The following EFCAB13 variants were observed in gnomAD, a reference collection of about 807,000 sequenced individuals.
The protein encoded by EFCAB13 is EF-hand calcium binding domain 13, also known as EF-hand calcium-binding domain-containing protein 13.
Under a neutral mutation model 110.2 loss-of-function variants are expected in EFCAB13, and 91 were observed. The ratio of observed to expected loss-of-function variants is 0.83; its 90% CI spans 0.70 to 0.98. The LOEUF (loss-of-function observed/expected upper bound fraction) is 0.98. Among genes scored for constraint, EFCAB13 ranks in the 50% least tolerant of loss-of-function variants. The pLI is 0.00. For synonymous variants in EFCAB13, 323 were observed against 369.9 expected (o/e 0.87, Z 1.45); for missense variants, 968 against 1,119.4 (o/e 0.86, Z 1.93).
At chr17:47,351,479 G>C (rs567822773) in intron 9 of EFCAB13, among the ~76,000 whole-genome samples, 1 of 152,226 alleles carries the variant, frequency 6.6e-6, no homozygotes, top group Non-Finnish European at 1.5e-5. Context: ...CCTAGTAGTG[G>C]AATTGTTGGA....
At chr17:47,339,450 C>T (rs1370583628) in intron 5 of EFCAB13, among the ~76,000 whole-genome samples, 1 of 152,032 alleles carries the variant, frequency 6.6e-6, no homozygotes, top group Admixed American at 6.6e-5. Flanking sequence ...AAACCTAGAT[C>T]CCTTGCATGC....
chr17:47,417,616 G>A (rs182577092), intron 23 of EFCAB13, among the ~76,000 whole-genome samples: 15 of 152,258 alleles, frequency 9.9e-5, no homozygotes, highest in African/African-American at 2.6e-4. Flanking sequence ...AATTCCTCTG[G>A]TGTGGTGTAT....
intron 11 of EFCAB13, among the ~76,000 whole-genome samples, chr17:47,374,103 C>T (rs1028586042): frequency 6.6e-6 from 1 of 152,098 alleles, no homozygotes; most frequent in Non-Finnish European, 1.5e-5. Flanking sequence ...TCTCCCCTTT[C>T]CTCATAGTTC....
At chr17:47,390,325 T>TACACACACACAC (rs111830433) in intron 14 of EFCAB13, among the ~76,000 whole-genome samples, 494 of 150,204 alleles carry the variant, frequency 3.3e-3, no homozygotes, top group Admixed American at 8.4e-3. Context: ...GTTTTTTTCA[T>TACACACACACAC]ACACACACAC....
Position 47,403,989 on chromosome 17 carries a change from T to C in EFCAB13, c.2129T>C (p.Val710Ala). Residue 710 changes from valine (V) to alanine (A), a missense_variant, in exon 19 of 25, where the codon GTA (valine) becomes GCA (alanine). Physicochemically the swap from Val to Ala is moderately conservative, Grantham distance 64. Coordinates refer to ENST00000331493, the MANE Select transcript of EFCAB13 (RefSeq NM_152347.5). ...GGGATTAAGTCACCTAAAGAAGAGG[T>C]AGAGAAAATTCTTCAATCAGATTTT... ...NVGIKSPKEE[V>A]EKILQSDFVS... 1 of 1,599,238 alleles carries C rather than the reference T, an allele frequency of 6.3e-7. No homozygotes were observed. The highest frequency in any genetic ancestry group is 8.5e-7 in the Non-Finnish European group (1 of 1,174,614).
intron 22 of EFCAB13, among the ~76,000 whole-genome samples, chr17:47,414,054 T>C (rs990751887): frequency 6.6e-6 from 1 of 152,198 alleles, no homozygotes; most frequent in Non-Finnish European, 1.5e-5. Context: ...TTCCTTCATA[T>C]GACTCAGTCA....
intron 17 of EFCAB13, among the ~76,000 whole-genome samples, chr17:47,401,676 G>A (rs1036040395): frequency 1.7e-4 from 21 of 121,734 alleles, no homozygotes; most frequent in African/African-American, 6.4e-4. Flanking sequence ...ATGGCGTCTC[G>A]CTTTGTCGCC....
intron 10 of EFCAB13, among the ~76,000 whole-genome samples, chr17:47,363,759 G>A (rs1326300735): frequency 6.6e-6 from 1 of 152,144 alleles, no homozygotes; most frequent in Non-Finnish European, 1.5e-5. Context: ...TTTTGAGTGG[G>A]CTTCCACTAG....
At chr17:47,342,383 T>C (rs2065390798) in intron 6 of EFCAB13, among the ~76,000 whole-genome samples, 1 of 152,220 alleles carries the variant, frequency 6.6e-6, no homozygotes, top group Non-Finnish European at 1.5e-5. Flanking sequence ...CATCTTCCCA[T>C]GAGTCTTCAC....
At chr17:47,338,806 G>A (rs2065366941) in intron 5 of EFCAB13, among the ~76,000 whole-genome samples, 1 of 151,956 alleles carries the variant, frequency 6.6e-6, no homozygotes, top group Admixed American at 6.6e-5. Flanking sequence ...CAAAGTATGG[G>A]GGTTCACAGG....
intron 19 of EFCAB13, among the ~76,000 whole-genome samples, 175 bp from the exon 20 acceptor site, chr17:47,404,387 A>T (rs1029453080): frequency 2.0e-5 from 3 of 152,212 alleles, no homozygotes; most frequent in Non-Finnish European, 2.9e-5. Context: ...AGAACTTAGT[A>T]TACCTACAAC....
chr17:47,437,812 T>C (rs1308313423), intron 24 of EFCAB13, among the ~76,000 whole-genome samples: 1 of 152,158 alleles, frequency 6.6e-6, no homozygotes, highest in Non-Finnish European at 1.5e-5. Flanking sequence ...TTCTTTGTTG[T>C]CTGAGTACTT....
At chr17:47,393,716 A>AG in intron 15 of EFCAB13, among the ~76,000 whole-genome samples, 1 of 93,636 alleles carries the variant, frequency 1.1e-5, no homozygotes, top group Non-Finnish European at 2.1e-5. Context: ...ACTCTTTCTC[A>AG]AAAATAAATA....
chr17:47,333,267 A>G (rs1190209667), intron 4 of EFCAB13, among the ~76,000 whole-genome samples: 1 of 152,112 alleles, frequency 6.6e-6, no homozygotes, highest in Non-Finnish European at 1.5e-5. Context: ...GATCCTTCAC[A>G]CATTTTTTGA....
At chr17:47,390,238 TGAGA>T (rs112739131) in intron 14 of EFCAB13, among the ~76,000 whole-genome samples, 13 of 152,074 alleles carry the variant, frequency 8.5e-5, no homozygotes, top group African/African-American at 3.1e-4. Context: ...TAAAACTTAT[TGAGA>T]GAGGGGTAGA....
chr17:47,426,055 A>G (rs543784069), intron 23 of EFCAB13, among the ~76,000 whole-genome samples: 2 of 152,278 alleles, frequency 1.3e-5, no homozygotes, highest in East Asian at 1.9e-4. Flanking sequence ...AATCCAAACC[A>G]CTATGCTCTT....
intron 6 of EFCAB13, among the ~76,000 whole-genome samples, 157 bp downstream of exon 6, chr17:47,342,189 T>A: frequency 6.6e-6 from 1 of 152,150 alleles, no homozygotes; most frequent in Non-Finnish European, 1.5e-5. Context: ...TTCTCCTTTT[T>A]CTTCTCCTTA....
At chr17:47,362,233 A>G (rs2065518270) in intron 10 of EFCAB13, among the ~76,000 whole-genome samples, 2 of 152,154 alleles carry the variant, frequency 1.3e-5, no homozygotes, top group Non-Finnish European at 2.9e-5. Context: ...CTTTATTTCA[A>G]TATTATAATA....
chr17:47,387,524 C>T (rs1217008634), intron 14 of EFCAB13, among the ~76,000 whole-genome samples: 1 of 152,144 alleles, frequency 6.6e-6, no homozygotes, highest in Non-Finnish European at 1.5e-5. Flanking sequence ...TTGTTATATC[C>T]TCTTACTGGA....
Sources: allele counts gnomAD v4.1 joint callset (sites outside exome capture counted in the v4.1 genomes callset), GRCh38; gene constraint gnomAD v4.1.1; transcripts MANE v1.5; gene names NCBI Gene and HGNC (gene_info 2026-07-23, HGNC 2026-07-21).